Variants in PARP11 observed in about 807,000 individuals in gnomAD.
PARP11 encodes the protein poly(ADP-ribose) polymerase family member 11.
Under a neutral mutation model 42.9 loss-of-function variants are expected in PARP11, and 31 were observed. That is an observed-to-expected ratio of 0.72 (90% confidence interval 0.54 to 0.98). PARP11 has a LOEUF of 0.98. Among genes scored for constraint, PARP11 ranks in the 50% least tolerant of loss-of-function variants. The probability of loss-of-function intolerance (pLI) is 0.00; values close to 1 mark genes in which losing one functional copy is unlikely to be tolerated. For synonymous variants in PARP11, 137 were observed against 127.3 expected (o/e 1.08, Z -0.51); for missense variants, 365 against 413.1 (o/e 0.88, Z 1.01).
rs1947867365 is a variant in PARP11, at chr12:3,840,686, A to C, written c.19-10668T>G. Reference sequence around the variant, plus strand: ...ACACGTAAGTGATAGAAAAGGAAGCAGGCGGAGAATGGATACAGAAGAACG... The same window carrying C: ...ACACGTAAGTGATAGAAAAGGAAGCCGGCGGAGAATGGATACAGAAGAACG... On this transcript the variant is annotated intron_variant, in intron 1 of 7. Coordinates refer to ENST00000228820, the MANE Select transcript of PARP11 (RefSeq NM_020367.6). The surrounding 1 kb of genome is among the most constrained non-coding windows in gnomAD (Gnocchi z 4.4). 1 of 1,228,282 alleles carries C rather than the reference A, an allele frequency of 8.1e-7. No homozygotes were observed. The highest frequency in any genetic ancestry group is 1.2e-5 in the South Asian group (1 of 83,358). The allele number at this position is 1,228,282 out of a possible 1,614,324, so 76.1% of individuals were successfully genotyped here. A position where few individuals can be genotyped will look rare whatever the true frequency, so the allele number is the denominator to read the frequency against.
At chr12:3,864,013 T>C (rs1948346581) in intron 1 of PARP11, 2 of 151,880 alleles carry the variant, frequency 1.3e-5, no homozygotes, top group South Asian at 4.2e-4. Flanking sequence ...CAAAGGACAG[T>C]CATGGAAACA....
intron 1 of PARP11, among the ~76,000 whole-genome samples, chr12:3,851,378 T>C (rs1464473972): frequency 2.0e-5 from 3 of 152,216 alleles, no homozygotes; most frequent in African/African-American, 4.8e-5. Flanking sequence ...TGACAGATTG[T>C]ACCAGGAAAA....
chr12:3,821,952 A>C lies in PARP11; in HGVS notation c.469T>G (p.Phe157Val). 1 of 1,610,132 alleles carries C rather than the reference A, an allele frequency of 6.2e-7. No homozygotes were observed. The highest frequency in any genetic ancestry group is 8.5e-7 in the Non-Finnish European group (1 of 1,178,790). The change falls in exon 6 of 8, where the codon TTT (phenylalanine) becomes GTT (valine). Residue 157 changes from phenylalanine (F) to valine (V), a missense_variant. Coordinates refer to ENST00000228820, the MANE Select transcript of PARP11 (RefSeq NM_020367.6). ...CGGTTGCGATCCATCGTCTTCCCAA[A>C]GAGATTAGCAACTTCATTATATTCA... ...THEYNEVANL[F>V]GKTMDRNRIK...
chr12:3,820,631 G>A (rs938727956), intron 6 of PARP11, among the ~76,000 whole-genome samples: 1 of 152,174 alleles, frequency 6.6e-6, no homozygotes, highest in Non-Finnish European at 1.5e-5. Flanking sequence ...TCAGAGGGCT[G>A]ATGAAGAATA....
chr12:3,825,690 T>A (rs1947503838), intron 4 of PARP11, among the ~76,000 whole-genome samples: 1 of 152,160 alleles, frequency 6.6e-6, no homozygotes. Context: ...GTTGCTATTT[T>A]GTCAACAAAT....
chr12:3,824,774 T>C (rs752884028), intron 4 of PARP11: 7 of 182,364 alleles, frequency 3.8e-5, no homozygotes, highest in African/African-American at 7.2e-5. Context: ...TCTTCCATTA[T>C]TATGTCTCAT....
chr12:3,824,930 A>G (rs1396906473), intron 4 of PARP11, among the ~76,000 whole-genome samples: 1 of 152,234 alleles, frequency 6.6e-6, no homozygotes. Flanking sequence ...CATTCATTTT[A>G]TAAGTACTTG....
intron 4 of PARP11, chr12:3,824,534 T>C (rs1425183328): frequency 2.4e-6 from 1 of 423,994 alleles, no homozygotes; most frequent in Non-Finnish European, 3.2e-6. Flanking sequence ...TAAATAAATA[T>C]TTCTATATCA....
chr12:3,816,929 C>T (rs1413225785), intron 6 of PARP11, among the ~76,000 whole-genome samples: 2 of 152,168 alleles, frequency 1.3e-5, no homozygotes, highest in African/African-American at 2.4e-5. Flanking sequence ...CAGAGGCTCA[C>T]GCCTGTAATT....
At chr12:3,826,618 A>C (rs1222589501) in intron 3 of PARP11, among the ~76,000 whole-genome samples, 1 of 152,248 alleles carries the variant, frequency 6.6e-6, no homozygotes, top group Non-Finnish European at 1.5e-5. Flanking sequence ...TGGTTGGTTT[A>C]TTAAGAAGAA....
At chr12:3,839,784 T>G in intron 1 of PARP11, 1 of 1,136,546 alleles carries the variant, frequency 8.8e-7, no homozygotes, top group Non-Finnish European at 1.3e-6. Flanking sequence ...AAGAAAGCTC[T>G]GCTATGTGTC....
rs1390074484 is a variant in PARP11 at position 3,810,127 on chromosome 12, G to C, written c.*1996C>G. 1.3e-5 allele frequency: 2 copies of C among 152,160 alleles called. No homozygotes were observed. Among genetic ancestry groups the C allele is most frequent in the Admixed American group, 1.3e-4 (2 of 15,284 alleles). The allele number at this position is 152,160 out of a possible 1,614,324, so 9.4% of individuals were successfully genotyped here. A position where few individuals can be genotyped will look rare whatever the true frequency, so the allele number is the denominator to read the frequency against. ...TTTCTAATTCAAATGATTCAAGTGA[G>C]CAATATAAGCATAGACACTGGAATT... On this transcript the variant is annotated 3_prime_UTR_variant, in exon 8 of 8. Transcript: ENST00000228820.
chr12:3,873,301 T>G lies in PARP11; in HGVS notation c.-72A>C. ...CGCGGGGCCTGGGTGTTGGATTTTT[T>G]TTTTTCCCGCGGGTCCCCGGGAGCG... is the stretch of plus-strand genomic sequence containing the variant. On this transcript the variant is annotated 5_prime_UTR_variant, in exon 1 of 8. Coordinates refer to ENST00000228820, the MANE Select transcript of PARP11 (RefSeq NM_020367.6). 6.8e-7 allele frequency: 1 copy of G among 1,476,796 alleles called. No individual in the cohort carries two copies. The highest frequency in any genetic ancestry group is 1.2e-5 in the South Asian group (1 of 81,752). 91.5% of individuals were successfully genotyped at this position (1,476,796 alleles called of 1,614,324 possible).
intron 1 of PARP11, among the ~76,000 whole-genome samples, chr12:3,849,938 T>C (rs569754182): frequency 1.1e-3 from 161 of 152,282 alleles, no homozygotes; most frequent in African/African-American, 3.7e-3. Context: ...CCTGAAAATA[T>C]GTATATCGAT....
chr12:3,844,290 G>C (rs1030778540), intron 1 of PARP11, among the ~76,000 whole-genome samples: 1 of 152,166 alleles, frequency 6.6e-6, no homozygotes, highest in African/African-American at 2.4e-5. Context: ...TTTTTTGAGA[G>C]AATCTATTGA....
chr12:3,858,774 C>T (rs541737959), intron 1 of PARP11, among the ~76,000 whole-genome samples: 47 of 152,124 alleles, frequency 3.1e-4, no homozygotes, highest in South Asian at 6.2e-4. Flanking sequence ...TATGTCATAC[C>T]TTTTACTGTT....
intron 1 of PARP11, among the ~76,000 whole-genome samples, chr12:3,842,966 A>G (rs574497114): frequency 7.2e-5 from 11 of 152,328 alleles, no homozygotes; most frequent in Admixed American, 6.5e-4. Flanking sequence ...AGAAATGTCT[A>G]TTTTATTATG....
At chr12:3,858,667 G>A (rs1214277121) in intron 1 of PARP11, among the ~76,000 whole-genome samples, 1 of 152,190 alleles carries the variant, frequency 6.6e-6, no homozygotes, top group East Asian at 1.9e-4. Context: ...GCCACTGTTT[G>A]CTGTTGCTGT....
chr12:3,866,249 C>G (rs1055684492), intron 1 of PARP11, among the ~76,000 whole-genome samples: 1 of 152,092 alleles, frequency 6.6e-6, no homozygotes, highest in African/African-American at 2.4e-5. Context: ...TAACTCTTCT[C>G]TTGGTTTCTA....
Sources: gnomAD v4.1 joint callset for allele counts (sites outside exome capture counted in the v4.1 genomes callset) on GRCh38, gnomAD v4.1.1 for gene constraint, Gnocchi (gnomAD v3.1) non-coding constraint, MANE v1.5 for transcripts, NCBI Gene and HGNC (gene_info 2026-07-23, HGNC 2026-07-21) for gene names.